Variants in TBXA2R observed in about 807,000 individuals in gnomAD.
TBXA2R encodes the protein thromboxane A2 receptor.
TBXA2R carries 15 observed loss-of-function variants against 15.6 expected under a neutral mutation model. The observed-to-expected ratio is 0.96, with a 90% CI of 0.64 to 1.48. The LOEUF (loss-of-function observed/expected upper bound fraction) is 1.48, where lower values mean the gene tolerates loss of function less well. TBXA2R is among the 40% of genes most tolerant of loss of function. The pLI is 0.00. For missense variants in TBXA2R, 506 were observed against 491.4 expected (o/e 1.03, Z -0.28); for synonymous variants, 280 against 241.2 (o/e 1.16, Z -1.49).
Position 3,595,405 on chromosome 19 carries a change from T to A in TBXA2R, c.*283A>T, listed in dbSNP as rs1260355818. On this transcript the variant is annotated 3_prime_UTR_variant, in exon 3 of 3. Coordinates refer to ENST00000375190, the MANE Select transcript of TBXA2R (RefSeq NM_001060.6). Reference sequence around the variant, plus strand: ...AAAAAAAAATAGCAATGCAAGACCCTCTTCCAATGTCTGCATGCCCTTCCT... The same window carrying A: ...AAAAAAAAATAGCAATGCAAGACCCACTTCCAATGTCTGCATGCCCTTCCT... 1 of 1,388,202 alleles carries A rather than the reference T, an allele frequency of 7.2e-7. No individual in the cohort carries two copies. Among genetic ancestry groups the A allele is most frequent in the Admixed American group, 3.1e-5 (1 of 32,144 alleles). The allele number at this position is 1,388,202 out of a possible 1,614,324, so 86.0% of individuals were successfully genotyped here. A position where few individuals can be genotyped will look rare whatever the true frequency, so the allele number is the denominator to read the frequency against.
chr19:3,596,228 C>A (rs1055312830), intron 2 of TBXA2R, among the ~76,000 whole-genome samples: 1 of 152,082 alleles, frequency 6.6e-6, no homozygotes, highest in African/African-American at 2.4e-5. Context: ...GGGGGTTTCA[C>A]CATGTTGGCC....
chr19:3,601,799 C>T (rs1292218373), intron 1 of TBXA2R, among the ~76,000 whole-genome samples: 10 of 151,352 alleles, frequency 6.6e-5, no homozygotes, highest in African/African-American at 1.9e-4. Context: ...TGGTGGCGGG[C>T]GCCTGTAATC....
At chr19:3,599,364 C>G (rs1006275801) in intron 2 of TBXA2R, among the ~76,000 whole-genome samples, 10 of 150,190 alleles carry the variant, frequency 6.7e-5, no homozygotes, top group African/African-American at 2.5e-4. Context: ...GAGTCTCGCT[C>G]TGTCGCCCAG....
rs1131882 is a variant in TBXA2R at position 3,595,925 on chromosome 19, G to A, written c.795C>T (p.Ile265=). The A allele has an allele frequency of 0.17, 268,690 of 1,590,290 alleles. 29,341 individuals carry two copies. Among genetic ancestry groups the A allele is most frequent in the East Asian group, 0.62 (27,174 of 43,640 alleles). The change falls in exon 3 of 3, where the codon ATC becomes ATT. Residue 265 remains isoleucine, a synonymous_variant. Coordinates refer to ENST00000375190, the MANE Select transcript of TBXA2R (RefSeq NM_001060.6). ...SVCWLPLLVF[I]AQTVLRNPPA... is the part of the protein sequence containing the mutation. ...GCGGGTTTCGCAGCACTGTCTGGGC[G>A]ATGAAGACCTGCAAAGGGGAGAGCT...
Position 3,600,501 on chromosome 19 carries a change from G to A in TBXA2R, c.134C>T (p.Ala45Val), listed in dbSNP as rs201126345. The change falls in exon 2 of 3, where the codon GCC becomes GTC. Residue 45 changes from alanine to valine, a missense_variant. By Grantham distance (64) the Ala-to-Val change is moderately conservative. Transcript: ENST00000375190. The part of the protein sequence containing the change: ...CVVGLASNLL[A>V]LSVLAGARQG... The stretch of plus-strand genomic sequence containing the variant: ...CCGCGCGCCCGCCAGCACGCTCAGG[G>A]CCAGCAGGTTGGAGGCCAGGCCCAC... 6.2e-7 allele frequency: 1 copy of A among 1,612,764 alleles called. No homozygotes were observed. The highest frequency in any genetic ancestry group is 8.5e-7 in the Non-Finnish European group (1 of 1,179,566).
At chr19:3,596,808 C>T (rs879737462) in intron 2 of TBXA2R, among the ~76,000 whole-genome samples, 6 of 151,442 alleles carry the variant, frequency 4.0e-5, no homozygotes, top group Admixed American at 2.6e-4. Flanking sequence ...GTCTCGATCT[C>T]CTGACCTTGT....
At chr19:3,596,356 G>GTAACA (rs2032604963) in intron 2 of TBXA2R, among the ~76,000 whole-genome samples, 19 of 152,084 alleles carry the variant, frequency 1.2e-4, no homozygotes, top group Admixed American at 6.6e-4. Flanking sequence ...CTGCATTGCT[G>GTAACA]GGTGACCTCA....
At chr19:3,600,825 G>GTTTTTTTTT (rs201563283) in intron 1 of TBXA2R, 108 bp from the exon 2 acceptor site, 4 of 454,844 alleles carry the variant, frequency 8.8e-6, no homozygotes, top group African/African-American at 8.2e-5. Context: ...TATCCTCTCC[G>GTTTTTTTTT]GTTTTTTTTT....
chr19:3,595,643 C>T lies in TBXA2R; in HGVS notation c.*45G>A. ...CAGGCAGATGGGCTGTCCGAGGGGC[C>T]AAGGGCTCCGCGGAAAGGCGCGGGA... On this transcript the variant is annotated 3_prime_UTR_variant, in exon 3 of 3. Coordinates refer to ENST00000375190, the MANE Select transcript of TBXA2R (RefSeq NM_001060.6). 2 of 1,528,512 alleles carry T rather than the reference C, an allele frequency of 1.3e-6. No individual in the cohort carries two copies. The highest frequency in any genetic ancestry group is 8.8e-7 in the Non-Finnish European group (1 of 1,133,392). The allele number at this position is 1,528,512 out of a possible 1,614,324, so 94.7% of individuals were successfully genotyped here. A position where few individuals can be genotyped will look rare whatever the true frequency, so the allele number is the denominator to read the frequency against.
At chr19:3,598,195 T>A (rs2032638510) in intron 2 of TBXA2R, 1 of 152,236 alleles carries the variant, frequency 6.6e-6, no homozygotes, top group Non-Finnish European at 1.5e-5. Flanking sequence ...GTGGGCAAGG[T>A]GCGTCTGCAG....
At chr19:3,598,313 T>C (rs1012559669) in intron 2 of TBXA2R, among the ~76,000 whole-genome samples, 3 of 151,832 alleles carry the variant, frequency 2.0e-5, no homozygotes, top group African/African-American at 7.3e-5. Flanking sequence ...CTTTGGGTTT[T>C]TTTTCTTTTC....
chr19:3,597,244 A>G (rs1466852538), intron 2 of TBXA2R, among the ~76,000 whole-genome samples: 2 of 151,594 alleles, frequency 1.3e-5, no homozygotes, highest in Non-Finnish European at 1.5e-5. Context: ...GCCTGGCAGG[A>G]AATTTTTAAA....
chr19:3,605,384 GACAC>G (rs1183630591), intron 1 of TBXA2R, among the ~76,000 whole-genome samples: 3 of 152,150 alleles, frequency 2.0e-5, no homozygotes, highest in African/African-American at 7.2e-5. Context: ...AAACACAGCA[GACAC>G]ACAGGCAGAA....
At chr19:3,597,351 G>A (rs1256251035) in intron 2 of TBXA2R, among the ~76,000 whole-genome samples, 5 of 150,476 alleles carry the variant, frequency 3.3e-5, no homozygotes, top group Non-Finnish European at 7.4e-5. Flanking sequence ...ATTATAATGT[G>A]GCCTATAATT....
chr19:3,597,768 T>C (rs887033930), intron 2 of TBXA2R, among the ~76,000 whole-genome samples: 1 of 151,900 alleles, frequency 6.6e-6, no homozygotes, highest in Admixed American at 6.6e-5. Context: ...CCGTCTCTAC[T>C]AAAAATACAA....
intron 1 of TBXA2R, among the ~76,000 whole-genome samples, chr19:3,606,109 G>C (rs975607968): frequency 6.6e-6 from 1 of 151,794 alleles, no homozygotes; most frequent in Non-Finnish European, 1.5e-5. Flanking sequence ...CACCACACAC[G>C]CACAGACACA....
In TBXA2R at chr19:3,595,768, G is replaced by A. The variant is rs762733238; in HGVS notation, c.952C>T (p.Arg318Cys). ...YILFRRAVLRRLQPRLSTRPR... is the reference protein window; with the variant it reads ...YILFRRAVLRCLQPRLSTRPR... ...CGGGTGCTGAGGCGAGGCTGGAGAC[G>A]CCGGAGCACGGCGCGGCGGAACAGG... Residue 318 changes from arginine (R) to cysteine (C), a missense_variant, in exon 3 of 3, where the codon CGT becomes TGT. By Grantham distance (180) the Arg-to-Cys change is radical (BLOSUM62 -3). Coordinates refer to ENST00000375190, the MANE Select transcript of TBXA2R (RefSeq NM_001060.6). 6.2e-7 allele frequency: 1 copy of A among 1,609,038 alleles called. No individual in the cohort carries two copies. Among genetic ancestry groups the A allele is most frequent in the African/African-American group, 1.3e-5 (1 of 75,016 alleles).
At chr19:3,604,807 G>A (rs1344638455) in intron 1 of TBXA2R, among the ~76,000 whole-genome samples, 5 of 152,186 alleles carry the variant, frequency 3.3e-5, no homozygotes, top group Non-Finnish European at 7.4e-5. Context: ...CAAGGTGCCC[G>A]GGCAGCCAGC....
rs1306938027 is a variant in TBXA2R, at chr19:3,595,802, C to G, written c.918G>C (p.Trp306Cys). The change falls in exon 3 of 3, where the codon TGG (tryptophan) becomes TGC (cysteine). Residue 306 changes from tryptophan (W) to cysteine (C), a missense_variant. Coordinates refer to ENST00000375190, the MANE Select transcript of TBXA2R (RefSeq NM_001060.6). ...CGGCGCGGCGGAACAGGATATACACCCAGGGGTCCAGGATCTGGTTCCAGG... is the reference window on the plus strand; with the variant it reads ...CGGCGCGGCGGAACAGGATATACACGCAGGGGTCCAGGATCTGGTTCCAGG... ...VATWNQILDP[W>C]VYILFRRAVL... is the part of the protein sequence containing the mutation. 10 of 1,611,634 alleles carry G rather than the reference C, an allele frequency of 6.2e-6. No individual in the cohort carries two copies. The highest frequency in any genetic ancestry group is 6.8e-6 in the Non-Finnish European group (8 of 1,179,270).
Sources: allele counts gnomAD v4.1 joint callset (sites outside exome capture counted in the v4.1 genomes callset), GRCh38; gene constraint gnomAD v4.1.1; transcripts MANE v1.5; gene names NCBI Gene and HGNC (gene_info 2026-07-23, HGNC 2026-07-21).